Variants in KCNJ12 observed in about 807,000 individuals in gnomAD.
The protein encoded by KCNJ12 is ATP-sensitive inward rectifier potassium channel 12.
KCNJ12 carries 2 observed loss-of-function variants against 22.3 expected under a neutral mutation model. The ratio of observed to expected loss-of-function variants is 0.09; its 90% CI spans 0.04 to 0.28. The LOEUF is 0.28. Among genes scored for constraint, KCNJ12 ranks in the 10% least tolerant of loss-of-function variants. KCNJ12 has a pLI of 1.00. For missense variants in KCNJ12, 155 were observed against 633.3 expected (o/e 0.24, Z 8.11); for synonymous variants, 117 against 261.4 (o/e 0.45, Z 5.33).
Position 21,415,910 on chromosome 17 carries a change from CGG to C in KCNJ12, c.570_571del (p.Ala191ThrfsTer15). ...IMAKMARPKK[R>X]AQTLLFSHNA... ...GGCCAAGATGGCAAGGCCCAAGAAGCGGGCACAGACGCTGCTGTTCAGCCACA... is the reference window on the plus strand; with the variant it reads ...GGCCAAGATGGCAAGGCCCAAGAAGCGCACAGACGCTGCTGTTCAGCCACA... On this transcript the variant is annotated frameshift_variant, in exon 3 of 3. Coordinates refer to ENST00000583088, the MANE Select transcript of KCNJ12 (RefSeq NM_021012.5). LOFTEE classifies it high-confidence loss of function. The C allele has an allele frequency of 6.2e-7, 1 of 1,608,254 alleles. No homozygotes were observed. Among genetic ancestry groups the C allele is most frequent in the Non-Finnish European group, 8.5e-7 (1 of 1,177,528 alleles).
At chr17:21,392,127 G>A (rs140115614) in intron 1 of KCNJ12, among the ~76,000 whole-genome samples, 31 of 152,334 alleles carry the variant, frequency 2.0e-4, no homozygotes, top group African/African-American at 7.2e-4. Flanking sequence ...TTCGAGGGAG[G>A]TGGTCACATA....
intron 1 of KCNJ12, among the ~76,000 whole-genome samples, chr17:21,382,424 C>T (rs1281432303): frequency 6.6e-6 from 1 of 152,158 alleles, no homozygotes; most frequent in Non-Finnish European, 1.5e-5. Flanking sequence ...GTTTCTTGCC[C>T]AGTTAAGCAT....
rs558965008 is a variant in KCNJ12 at position 21,380,670 on chromosome 17, G to T, written c.-179+3757G>T. On this transcript the variant is annotated intron_variant, in intron 1 of 2. Coordinates refer to ENST00000583088, the MANE Select transcript of KCNJ12 (RefSeq NM_021012.5). ...TGTGGAGAGGGGGATCTGGGAAGGA[G>T]GGGGTGTGAGCATTTGTGGAGCCAG... 2.0e-5 allele frequency among the ~76,000 whole-genome samples: 3 copies of T among 152,278 alleles called. No individual in the cohort carries two copies. In the East Asian group the frequency reaches 5.8e-4, roughly 29 times the overall value.
intron 1 of KCNJ12, among the ~76,000 whole-genome samples, chr17:21,399,454 C>T (rs1335744979): frequency 6.6e-6 from 1 of 152,204 alleles, no homozygotes; most frequent in South Asian, 2.1e-4. Flanking sequence ...CACCTCTGCT[C>T]TGGGACAAAT....
chr17:21,398,338 T>G (rs1905452559), intron 1 of KCNJ12, among the ~76,000 whole-genome samples: 2 of 152,156 alleles, frequency 1.3e-5, no homozygotes, highest in East Asian at 3.9e-4. Flanking sequence ...CCCGAGGCCC[T>G]GCCCAGTGCC....
chr17:21,405,970 C>T (rs1483595608), intron 1 of KCNJ12, among the ~76,000 whole-genome samples: 1 of 152,304 alleles, frequency 6.6e-6, no homozygotes, highest in Non-Finnish European at 1.5e-5. Context: ...GATTTGTGGT[C>T]TGGGGAATGC....
In KCNJ12 at chr17:21,416,430, T is replaced by C; in HGVS notation, c.1088T>C (p.Val363Ala). 6.2e-7 allele frequency: 1 copy of C among 1,614,110 alleles called. No homozygotes were observed. The highest frequency in any genetic ancestry group is 8.5e-7 in the Non-Finnish European group (1 of 1,180,060). ...STPRCSAKDL[V>A]ENKFLLPSAN... ...CCCCGCTGCAGTGCGAAGGATCTGG[T>C]AGAGAACAAGTTCCTGCTGCCCAGC... The change falls in exon 3 of 3, where the codon GTA (valine) becomes GCA (alanine). Residue 363 changes from valine to alanine, a missense_variant. Physicochemically the swap from Val to Ala is moderately conservative, Grantham distance 64. Coordinates refer to ENST00000583088, the MANE Select transcript of KCNJ12 (RefSeq NM_021012.5).
chr17:21,411,536 G>A (rs1309653823), intron 2 of KCNJ12, among the ~76,000 whole-genome samples: 1 of 152,312 alleles, frequency 6.6e-6, no homozygotes, highest in East Asian at 1.9e-4. Flanking sequence ...GACCCTGGCA[G>A]GCCAACCTGG....
rs1422105998 is a variant in KCNJ12, at chr17:21,418,668, G to C, written c.*2024G>C. The C allele has an allele frequency of 6.0e-6, 1 of 167,482 alleles. No homozygotes were observed. Among genetic ancestry groups the C allele is most frequent in the Non-Finnish European group, 1.5e-5 (1 of 68,658 alleles). 10.4% of individuals were successfully genotyped at this position (167,482 alleles called of 1,614,324 possible). A position where few individuals can be genotyped will look rare whatever the true frequency, so the allele number is the denominator to read the frequency against. On this transcript the variant is annotated 3_prime_UTR_variant, in exon 3 of 3. Coordinates refer to ENST00000583088, the MANE Select transcript of KCNJ12 (RefSeq NM_021012.5). ...CGCCGAGGCAGCTCTTTCCTCTCGGGGTCTGCCAGGGGTGCCTCAGCTGGT... is the reference window on the plus strand; with the variant it reads ...CGCCGAGGCAGCTCTTTCCTCTCGGCGTCTGCCAGGGGTGCCTCAGCTGGT...
At chr17:21,386,188 C>G (rs1022021616) in intron 1 of KCNJ12, among the ~76,000 whole-genome samples, 1 of 152,234 alleles carries the variant, frequency 6.6e-6, no homozygotes, top group East Asian at 1.9e-4. Flanking sequence ...TGGTTCCTCG[C>G]GGAGCCTCTG....
In KCNJ12 at chr17:21,418,012, G is replaced by A. The variant is rs1906944571; in HGVS notation, c.*1368G>A. ...AAAGCTGAATCAGAAACCAGCCGTG[G>A]AACAGAATTCCTGCCGAGTCTTCCA... On this transcript the variant is annotated 3_prime_UTR_variant, in exon 3 of 3. Transcript: ENST00000583088. 6.0e-6 allele frequency: 1 copy of A among 167,072 alleles called. No individual in the cohort carries two copies. 10.3% of individuals were successfully genotyped at this position (167,072 alleles called of 1,614,324 possible).
At chr17:21,383,883 A>G (rs781977898) in intron 1 of KCNJ12, among the ~76,000 whole-genome samples, 6 of 152,212 alleles carry the variant, frequency 3.9e-5, no homozygotes, top group Non-Finnish European at 5.9e-5. Context: ...CACATGAGCC[A>G]TCACGGGCAT....
rs1278629371 is a variant in KCNJ12 at position 21,383,330 on chromosome 17, G to A, written c.-179+6417G>A. Among the ~76,000 whole-genome samples, 7 of 152,124 alleles carry A rather than the reference G, an allele frequency of 4.6e-5. No individual in the cohort carries two copies. In the South Asian group the frequency reaches 6.2e-4, roughly 14 times the overall value. On this transcript the variant is annotated intron_variant, in intron 1 of 2. Transcript: ENST00000583088. ...GTGTGGCAGCAGCCGAGCCAACCCCGCCCCGACCCTCTGCCTCGGGGCTCC... is the reference window on the plus strand; with the variant it reads ...GTGTGGCAGCAGCCGAGCCAACCCCACCCCGACCCTCTGCCTCGGGGCTCC...
intron 1 of KCNJ12, among the ~76,000 whole-genome samples, chr17:21,393,681 G>A (rs181303395): frequency 3.3e-5 from 5 of 152,176 alleles, no homozygotes; most frequent in African/African-American, 9.7e-5. Flanking sequence ...CATGCCAGGC[G>A]CTGGAATTGT....
chr17:21,410,740 G>T (rs540875883), intron 2 of KCNJ12, among the ~76,000 whole-genome samples: 9 of 152,346 alleles, frequency 5.9e-5, no homozygotes, highest in African/African-American at 2.2e-4. Context: ...GTGGGGCACT[G>T]GTTTCACCCC....
intron 1 of KCNJ12, among the ~76,000 whole-genome samples, chr17:21,385,661 C>T (rs1298355955): frequency 1.3e-5 from 2 of 152,218 alleles, no homozygotes; most frequent in African/African-American, 4.8e-5. Context: ...CTCTTTTCCT[C>T]TGCAGGGTGG....
intron 1 of KCNJ12, among the ~76,000 whole-genome samples, chr17:21,397,786 C>T (rs1449589992): frequency 2.0e-5 from 3 of 152,202 alleles, no homozygotes; most frequent in African/African-American, 7.2e-5. Flanking sequence ...GGGCCTCATA[C>T]TCTGCCCTGC....
At chr17:21,383,787 G>A (rs1904969568) in intron 1 of KCNJ12, among the ~76,000 whole-genome samples, 1 of 152,208 alleles carries the variant, frequency 6.6e-6, no homozygotes, top group Non-Finnish European at 1.5e-5. Context: ...GAGCTCAGCA[G>A]GTGGCTGGGG....
chr17:21,403,245 CT>C (rs1256317336), intron 1 of KCNJ12, among the ~76,000 whole-genome samples: 7 of 152,310 alleles, frequency 4.6e-5, no homozygotes, highest in South Asian at 2.1e-4. Flanking sequence ...AAGCCCAACC[CT>C]AGCTCTCTGC....
Sources: gnomAD v4.1 joint callset for allele counts (sites outside exome capture counted in the v4.1 genomes callset) on GRCh38, gnomAD v4.1.1 for gene constraint, MANE v1.5 for transcripts, NCBI Gene and HGNC (gene_info 2026-07-23, HGNC 2026-07-21) for gene names.